Variants in WDPCP observed in about 807,000 individuals in gnomAD.
The protein encoded by WDPCP is WD repeat-containing and planar cell polarity effector protein fritz homolog.
A neutral mutation model predicts 93.1 loss-of-function variants in WDPCP; 71 were observed. The observed-to-expected ratio is 0.76, with a 90% CI of 0.63 to 0.93. WDPCP has a LOEUF of 0.93. Ranked by LOEUF, WDPCP falls within the 40% of genes least tolerant of loss-of-function variation. WDPCP has a pLI of 0.00. For synonymous variants in WDPCP, 315 were observed against 315.0 expected, an observed-to-expected ratio of 1.00 and a Z score of 0.00; for missense variants, 844 against 887.4, an observed-to-expected ratio of 0.95 and a Z score of 0.62.
chr2:63,170,752 C>A (rs938073676), intron 15 of WDPCP, among the ~76,000 whole-genome samples: 2 of 152,056 alleles, frequency 1.3e-5, no homozygotes, highest in Admixed American at 1.3e-4. Flanking sequence ...TGAAACTGTT[C>A]ATCTTTTTCC....
intron 1 of WDPCP, among the ~76,000 whole-genome samples, chr2:63,494,290 C>CGACGACGAG (rs1370464238): frequency 6.6e-6 from 1 of 151,104 alleles, no homozygotes; most frequent in East Asian, 1.9e-4. Context: ...ATGATGATGA[C>CGACGACGAG]GACGACGACG....
chr2:63,776,774 A>G (rs1270615107), intron 2 of WDPCP, among the ~76,000 whole-genome samples: 1 of 152,014 alleles, frequency 6.6e-6, no homozygotes, highest in African/African-American at 2.4e-5. Flanking sequence ...AGTACTATTT[A>G]GCCATAAAAA....
intron 1 of WDPCP, among the ~76,000 whole-genome samples, chr2:63,503,011 C>T (rs1359944172): frequency 6.6e-6 from 1 of 152,086 alleles, no homozygotes; most frequent in African/African-American, 2.4e-5. Flanking sequence ...TTCTATGCCT[C>T]GAAAGAAAAG....
chr2:63,677,845 C>T (rs1232118925), intron 2 of WDPCP, among the ~76,000 whole-genome samples: 3 of 152,088 alleles, frequency 2.0e-5, no homozygotes, highest in Non-Finnish European at 4.4e-5. Flanking sequence ...TTGGAAAAAG[C>T]AATGGATAGG....
At chr2:63,800,952 G>A (rs1218615662) in intron 2 of WDPCP, among the ~76,000 whole-genome samples, 1 of 152,206 alleles carries the variant, frequency 6.6e-6, no homozygotes, top group African/African-American at 2.4e-5. Flanking sequence ...TACTCCGGAG[G>A]CTGAGGTGGG....
At chr2:63,175,223 C>A (rs890316253) in intron 14 of WDPCP, among the ~76,000 whole-genome samples, 2 of 152,026 alleles carry the variant, frequency 1.3e-5, no homozygotes, top group African/African-American at 4.8e-5. Context: ...AGGAAAATAT[C>A]TTTCCCAATA....
At chr2:63,684,515 T>C (rs1575747023) in intron 2 of WDPCP, 2 of 734,556 alleles carry the variant, frequency 2.7e-6, no homozygotes, top group East Asian at 5.4e-5. Context: ...GATCAAGTCT[T>C]TTGTGAGAGT....
intron 2 of WDPCP, chr2:63,717,567 G>A (rs1030394105): frequency 3.9e-6 from 2 of 517,600 alleles, no homozygotes; most frequent in Admixed American, 3.9e-5. Flanking sequence ...TTCTAAGGAA[G>A]ACTGATTCAT....
At chr2:63,652,538 G>A (rs183116671) in intron 2 of WDPCP, among the ~76,000 whole-genome samples, 138 of 152,238 alleles carry the variant, frequency 9.1e-4, no homozygotes, top group African/African-American at 2.8e-3. Context: ...TGGCTTCCTC[G>A]CCTGCCACAA....
rs117964700 is a variant in WDPCP, at chr2:63,489,932, C to A, written c.161-2438G>T. 9.9e-4 allele frequency among the ~76,000 whole-genome samples: 151 copies of A among 152,072 alleles called. 6 individuals are homozygous for A. In the East Asian group the frequency reaches 0.022, roughly 22 times the overall value. On this transcript the variant is annotated intron_variant, in intron 2 of 17. Transcript: ENST00000272321. ...AGCAGACACTATCTTATCAGGTAAT[C>A]ATGAATATCATCAGGAAAGGGACAA... is the stretch of plus-strand genomic sequence containing the variant.
intron 1 of WDPCP, among the ~76,000 whole-genome samples, chr2:63,553,937 T>C (rs576284479): frequency 1.1e-4 from 16 of 152,172 alleles, no homozygotes; most frequent in Non-Finnish European, 2.1e-4. Context: ...CCCCTTGATA[T>C]GTCAGTGTGT....
At chr2:63,469,083 A>T (rs1234713499) in intron 6 of WDPCP, among the ~76,000 whole-genome samples, 4 of 152,168 alleles carry the variant, frequency 2.6e-5, no homozygotes, top group Non-Finnish European at 5.9e-5. Flanking sequence ...GCAGCCGACA[A>T]CTCTATGAGA....
At chr2:63,175,146 T>C (rs937683254) in intron 14 of WDPCP, among the ~76,000 whole-genome samples, 5 of 152,166 alleles carry the variant, frequency 3.3e-5, no homozygotes, top group African/African-American at 1.2e-4. Context: ...TACTGGAATA[T>C]TTTATCTTGG....
chr2:63,692,889 T>G (rs945139355), intron 2 of WDPCP, among the ~76,000 whole-genome samples: 3 of 152,238 alleles, frequency 2.0e-5, no homozygotes, highest in Non-Finnish European at 4.4e-5. Context: ...AAATGCATTC[T>G]GTCTCATTCA....
intron 17 of WDPCP, among the ~76,000 whole-genome samples, chr2:63,123,238 A>G (rs1262840445): frequency 1.3e-5 from 2 of 152,168 alleles, no homozygotes; most frequent in African/African-American, 4.8e-5. Flanking sequence ...ACCAAAGTCT[A>G]GTTTCTATAC....
chr2:63,235,597 C>T lies in WDPCP; in HGVS notation c.1915+23710G>A, dbSNP rs139919043. 4.6e-4 allele frequency among the ~76,000 whole-genome samples: 70 copies of T among 152,216 alleles called. No individual in the cohort carries two copies. In the East Asian group the frequency reaches 0.011, roughly 24 times the overall value. ...TGATGAACATATATGCAAAAATCCT[C>T]GACAAAATTCTAACACATCAAATCC... On this transcript the variant is annotated intron_variant, in intron 14 of 17. Transcript: ENST00000272321.
intron 2 of WDPCP, among the ~76,000 whole-genome samples, chr2:63,812,882 TA>T (rs1242474111): frequency 4.6e-5 from 7 of 152,076 alleles, no homozygotes; most frequent in Admixed American, 1.3e-4. Context: ...AAAATCACTT[TA>T]TTTTTTTTTT....
At chr2:63,828,889 G>A (rs1671152977), upstream of WDPCP, among the ~76,000 whole-genome samples, 1 of 151,964 alleles carries the variant, frequency 6.6e-6, no homozygotes, top group Admixed American at 6.5e-5. Context: ...GCTAAGCAAT[G>A]GTAAGATTGA....
intron 13 of WDPCP, among the ~76,000 whole-genome samples, chr2:63,270,478 C>T (rs913915540): frequency 5.9e-5 from 9 of 151,916 alleles, no homozygotes; most frequent in Middle Eastern, 3.4e-3. Flanking sequence ...AAATTATTCA[C>T]GGTGGGGAGG....
Sources: allele counts gnomAD v4.1 joint callset (sites outside exome capture counted in the v4.1 genomes callset), GRCh38; gene constraint gnomAD v4.1.1; transcripts MANE v1.5; gene names NCBI Gene and HGNC (gene_info 2026-07-23, HGNC 2026-07-21).